The following IMPA2 variants were observed in gnomAD, a reference collection of about 807,000 sequenced individuals.
IMPA2 encodes IMP 2.
A neutral mutation model predicts 35.1 loss-of-function variants in IMPA2; 32 were observed. That is an observed-to-expected ratio of 0.91 (90% CI 0.69 to 1.23). The LOEUF (loss-of-function observed/expected upper bound fraction) is 1.23, where lower values mean the gene tolerates loss of function less well. Ranked by LOEUF, IMPA2 falls within the 50% of genes most tolerant of loss-of-function variation. The pLI is 0.00. For missense variants in IMPA2, 334 were observed against 387.6 expected (o/e 0.86, Z 1.16); for synonymous variants, 135 against 160.6 (o/e 0.84, Z 1.20).
At chr18:12,024,416 A>G (rs763820219) in intron 5 of IMPA2, among the ~76,000 whole-genome samples, 16 of 152,326 alleles carry the variant, frequency 1.1e-4, no homozygotes, top group African/African-American at 2.4e-4. Context: ...CCTGGGAGGC[A>G]GAGGTTGCAG....
intron 2 of IMPA2, among the ~76,000 whole-genome samples, chr18:12,008,925 G>T (rs1598696471): frequency 6.6e-6 from 1 of 152,160 alleles, no homozygotes; most frequent in Admixed American, 6.5e-5. Flanking sequence ...GCTGCAGAGT[G>T]CAGGAGCAGG....
chr18:11,983,670 C>T (rs1203364635), intron 1 of IMPA2, among the ~76,000 whole-genome samples: 1 of 151,934 alleles, frequency 6.6e-6, no homozygotes, highest in African/African-American at 2.4e-5. Context: ...AAGATGCTGC[C>T]ATTAGGAGTC....
At chr18:12,007,715 CTTCT>C (rs1256142044) in intron 2 of IMPA2, among the ~76,000 whole-genome samples, 7 of 128,684 alleles carry the variant, frequency 5.4e-5, no homozygotes, top group African/African-American at 1.5e-4. Flanking sequence ...CCCTCCTTCC[CTTCT>C]TTATTTCTCT....
At chr18:11,989,672 C>T (rs1394167258) in intron 1 of IMPA2, among the ~76,000 whole-genome samples, 1 of 152,308 alleles carries the variant, frequency 6.6e-6, no homozygotes, top group Admixed American at 6.5e-5. Flanking sequence ...TCTGGGCAGC[C>T]TCATCCCAGC....
rs886237099 is a variant in IMPA2 at position 12,028,624 on chromosome 18, C to G, written c.600-218C>G. Reference sequence around the variant, plus strand: ...CTCAGGTGCTCAGTAGCTAGGTCAGCTGGGAGCTGTCATGGCACAAGGCAT... The same window carrying G: ...CTCAGGTGCTCAGTAGCTAGGTCAGGTGGGAGCTGTCATGGCACAAGGCAT... On this transcript the variant is annotated intron_variant, in intron 6 of 7. Transcript: ENST00000269159. The G allele has an allele frequency of 5.1e-5, 29 of 573,258 alleles. No homozygotes were observed. The Admixed American group carries it at 6.9e-4, about 14-fold the overall frequency. The allele number at this position is 573,258 out of a possible 1,614,324, so 35.5% of individuals were successfully genotyped here. A position where few individuals can be genotyped will look rare whatever the true frequency, so the allele number is the denominator to read the frequency against.
chr18:12,028,838 C>A lies in IMPA2; in HGVS notation c.600-4C>A. 6.2e-7 allele frequency: 1 copy of A among 1,613,760 alleles called. No homozygotes were observed. The highest frequency in any genetic ancestry group is 1.1e-5 in the South Asian group (1 of 91,026). On this transcript the variant is annotated splice_polypyrimidine_tract_variant and splice_region_variant and intron_variant, in intron 6 of 7. Transcript: ENST00000269159. The stretch of plus-strand genomic sequence containing the variant: ...TGCATCTGTCCTCCCTTCCCTCTCC[C>A]CAGGGTCCGAGTGATTGGAAGCTCC...
intron 1 of IMPA2, among the ~76,000 whole-genome samples, chr18:11,983,898 T>A (rs370548710): frequency 6.6e-6 from 1 of 152,148 alleles, no homozygotes; most frequent in African/African-American, 2.4e-5. Context: ...GATGACCTGG[T>A]TCGGGGTGTA....
intron 2 of IMPA2, among the ~76,000 whole-genome samples, chr18:12,003,962 T>C (rs536419054): frequency 1.9e-3 from 286 of 152,356 alleles, no homozygotes; most frequent in African/African-American, 6.7e-3. Context: ...GGTCAGCAGC[T>C]CAAGGGTCTA....
chr18:12,025,904 T>C (rs1237729608), intron 5 of IMPA2, among the ~76,000 whole-genome samples: 1 of 152,146 alleles, frequency 6.6e-6, no homozygotes, highest in Non-Finnish European at 1.5e-5. Flanking sequence ...CCTGAGGACA[T>C]ATGATGTGGA....
chr18:11,983,432 C>T (rs758487681), intron 1 of IMPA2, among the ~76,000 whole-genome samples: 5 of 152,168 alleles, frequency 3.3e-5, no homozygotes, highest in Non-Finnish European at 7.4e-5. Context: ...TGTGTAAACC[C>T]TGGCGAGCTA....
chr18:11,985,147 CAAAAAAAAAAAA>C lies in IMPA2; in HGVS notation c.96+3393_96+3404del, dbSNP rs60194371. ...GGGTGATAAGAGCGAAACTCTGTCT[CAAAAAAAAAAAA>C]AAAAAAAAAAGAGAAAATACAAAAT... On this transcript the variant is annotated intron_variant, in intron 1 of 7. Coordinates refer to ENST00000269159, the MANE Select transcript of IMPA2 (RefSeq NM_014214.3). 5.0e-5 allele frequency among the ~76,000 whole-genome samples: 4 copies of C among 80,526 alleles called. 1 individual carries two copies. The highest frequency in any genetic ancestry group is 1.6e-4 in the African/African-American group (4 of 24,720). 52.8% of individuals were successfully genotyped at this position (80,526 alleles called of 152,430 possible).
At chr18:11,982,249 G>A (rs1371077591) in intron 1 of IMPA2, among the ~76,000 whole-genome samples, 1 of 152,170 alleles carries the variant, frequency 6.6e-6, no homozygotes, top group Non-Finnish European at 1.5e-5. Context: ...CGACGGCCAC[G>A]GACTCAGAGT....
At position 12,030,630 on chromosome 18, in the gene IMPA2, C is replaced by A. The variant is rs139523234; in HGVS notation, c.*172C>A. 302 of 594,862 alleles carry A rather than the reference C, an allele frequency of 5.1e-4. 1 individual carries two copies. Among genetic ancestry groups the A allele is most frequent in the Admixed American group, 1.4e-3 (46 of 33,354 alleles). 36.8% of individuals were successfully genotyped at this position (594,862 alleles called of 1,614,324 possible). On this transcript the variant is annotated 3_prime_UTR_variant, in exon 8 of 8. Coordinates refer to ENST00000269159, the MANE Select transcript of IMPA2 (RefSeq NM_014214.3). ...GCTGGCCTTTTAAATCGACGTCTCT[C>A]TCACCAGGATTTGGTGTTTAGCTGT...
chr18:11,986,882 G>A (rs1309878769), intron 1 of IMPA2, among the ~76,000 whole-genome samples: 5 of 152,226 alleles, frequency 3.3e-5, no homozygotes, highest in African/African-American at 1.2e-4. Flanking sequence ...CCATGTCCAT[G>A]TTCGGATGGC....
chr18:12,004,534 GT>G (rs558164660), intron 2 of IMPA2, among the ~76,000 whole-genome samples: 100 of 139,598 alleles, frequency 7.2e-4, no homozygotes, highest in East Asian at 1.2e-3. Context: ...TATATTGTGG[GT>G]TTTTTTTTTT....
In IMPA2 at chr18:11,981,656, C is replaced by T; in HGVS notation, c.-14C>T. 2.4e-6 allele frequency: 3 copies of T among 1,228,126 alleles called. No homozygotes were observed. Among genetic ancestry groups the T allele is most frequent in the South Asian group, 8.1e-5 (2 of 24,826 alleles). The allele number at this position is 1,228,126 out of a possible 1,614,324, so 76.1% of individuals were successfully genotyped here. On this transcript the variant is annotated 5_prime_UTR_variant, in exon 1 of 8. Coordinates refer to ENST00000269159, the MANE Select transcript of IMPA2 (RefSeq NM_014214.3). Reference sequence around the variant, plus strand: ...CGAGGGGGGCTGGAGGTGGAGGGGCCCGGCGAGGCCGCGATGAAGCCGAGC... The same window carrying T: ...CGAGGGGGGCTGGAGGTGGAGGGGCTCGGCGAGGCCGCGATGAAGCCGAGC...
intron 1 of IMPA2, among the ~76,000 whole-genome samples, chr18:11,986,141 C>T (rs945473631): frequency 3.9e-5 from 6 of 152,150 alleles, no homozygotes; most frequent in Admixed American, 6.5e-5. Flanking sequence ...ACCTCAGGAC[C>T]GCAGACTTCC....
At chr18:11,994,684 T>C (rs1450501647) in intron 1 of IMPA2, 1 of 151,668 alleles carries the variant, frequency 6.6e-6, no homozygotes, top group Non-Finnish European at 1.5e-5. Context: ...CAAGGACTCT[T>C]TATGCATTCA....
intron 5 of IMPA2, among the ~76,000 whole-genome samples, chr18:12,015,470 G>T (rs914123377): frequency 6.6e-6 from 1 of 152,244 alleles, no homozygotes; most frequent in Non-Finnish European, 1.5e-5. Flanking sequence ...CTGTGAGCCC[G>T]TGCGGCCAGG....
Sources: gnomAD v4.1 joint callset for allele counts (sites outside exome capture counted in the v4.1 genomes callset) on GRCh38, gnomAD v4.1.1 for gene constraint, MANE v1.5 for transcripts, NCBI Gene and HGNC (gene_info 2026-07-23, HGNC 2026-07-21) for gene names.